ATRNL1: variants seen among roughly 807,000 people sequenced by gnomAD.
The protein encoded by ATRNL1 is attractin-like protein 1.
A neutral mutation model predicts 182.7 loss-of-function variants in ATRNL1; 95 were observed. The ratio of observed to expected loss-of-function variants is 0.52; its 90% CI spans 0.44 to 0.62. The LOEUF (loss-of-function observed/expected upper bound fraction) is 0.62. Ranked by LOEUF, ATRNL1 falls within the 20% of genes least tolerant of loss-of-function variation. ATRNL1 has a pLI of 0.00. For synonymous variants in ATRNL1, 576 were observed against 568.3 expected (o/e 1.01, Z -0.19); for missense variants, 1,471 against 1,679.5 (o/e 0.88, Z 2.17).
intron 26 of ATRNL1, among the ~76,000 whole-genome samples, chr10:115,583,606 C>T (rs1185966865): frequency 7.6e-6 from 1 of 131,744 alleles, no homozygotes; most frequent in Non-Finnish European, 1.7e-5. Flanking sequence ...ATTTTGTATC[C>T]TGAAACTTCG....
chr10:115,291,645 T>A (rs1475394756), intron 15 of ATRNL1, among the ~76,000 whole-genome samples: 1 of 152,120 alleles, frequency 6.6e-6, no homozygotes, highest in Non-Finnish European at 1.5e-5. Flanking sequence ...CTTCTATCGA[T>A]GTGATATTTG....
chr10:115,691,367 G>A (rs1455003762), intron 26 of ATRNL1, among the ~76,000 whole-genome samples: 1 of 152,044 alleles, frequency 6.6e-6, no homozygotes, highest in Non-Finnish European at 1.5e-5. Flanking sequence ...TTCCCTGATG[G>A]GTACTAAAGT....
intron 8 of ATRNL1, among the ~76,000 whole-genome samples, chr10:115,186,495 G>C (rs539457229): frequency 2.0e-5 from 3 of 152,142 alleles, no homozygotes; most frequent in Non-Finnish European, 4.4e-5. Context: ...AAGAAAAAAT[G>C]GTCCATATAT....
chr10:115,504,580 G>C (rs1850012658), intron 24 of ATRNL1, among the ~76,000 whole-genome samples: 1 of 152,014 alleles, frequency 6.6e-6, no homozygotes, highest in Non-Finnish European at 1.5e-5. Flanking sequence ...TTTTGACACT[G>C]TATAGTATTT....
At chr10:115,546,830 G>C (rs1436154519) in intron 25 of ATRNL1, among the ~76,000 whole-genome samples, 1 of 152,110 alleles carries the variant, frequency 6.6e-6, no homozygotes, top group Non-Finnish European at 1.5e-5. Flanking sequence ...TCCTGGTTGA[G>C]AAACACTGTA....
chr10:115,877,452 G>A (rs986152578), intron 28 of ATRNL1, among the ~76,000 whole-genome samples: 11 of 152,164 alleles, frequency 7.2e-5, no homozygotes, highest in African/African-American at 2.4e-4. Flanking sequence ...CCTCTCCTTA[G>A]CACTTCTCCA....
intron 25 of ATRNL1, among the ~76,000 whole-genome samples, chr10:115,532,020 T>C (rs1554988410): frequency 6.6e-6 from 1 of 150,948 alleles, no homozygotes; most frequent in African/African-American, 2.4e-5. Flanking sequence ...CATGCTGTTT[T>C]GGTTACTGTA....
intron 25 of ATRNL1, among the ~76,000 whole-genome samples, chr10:115,533,911 G>GT (rs1249940624): frequency 6.7e-6 from 1 of 149,868 alleles, no homozygotes; most frequent in Non-Finnish European, 1.5e-5. Context: ...TAGTTGAGCG[G>GT]TTTTGAGTGA....
chr10:115,109,983 A>G (rs1003062011), intron 1 of ATRNL1, among the ~76,000 whole-genome samples: 1 of 152,192 alleles, frequency 6.6e-6, no homozygotes, highest in Admixed American at 6.5e-5. Flanking sequence ...GTTAAAAAAT[A>G]ATTTCTAGGG....
intron 5 of ATRNL1, among the ~76,000 whole-genome samples, chr10:115,151,557 T>G (rs1414108567): frequency 6.6e-6 from 1 of 152,206 alleles, no homozygotes; most frequent in African/African-American, 2.4e-5. Context: ...TCGCCCACTT[T>G]TTGATGGGGT....
chr10:115,820,930 A>T (rs1950280091), intron 27 of ATRNL1, among the ~76,000 whole-genome samples: 1 of 151,974 alleles, frequency 6.6e-6, no homozygotes, highest in African/African-American at 2.4e-5. Flanking sequence ...GATCGTGGGG[A>T]TGGTTTCCTC....
chr10:115,363,782 TC>T (rs1554945023), intron 19 of ATRNL1, among the ~76,000 whole-genome samples: 1 of 149,342 alleles, frequency 6.7e-6, no homozygotes, highest in African/African-American at 2.4e-5. Context: ...GGGAATCCTT[TC>T]CCCATTGCTT....
intron 26 of ATRNL1, among the ~76,000 whole-genome samples, chr10:115,627,274 T>C (rs1555024933): frequency 6.6e-6 from 1 of 152,200 alleles, no homozygotes; most frequent in East Asian, 1.9e-4. Context: ...GTATTTCACA[T>C]AAATAGAATT....
intron 10 of ATRNL1, among the ~76,000 whole-genome samples, chr10:115,260,794 T>A (rs1412578576): frequency 6.6e-6 from 1 of 151,996 alleles, no homozygotes; most frequent in Non-Finnish European, 1.5e-5. Context: ...GATTTGAAGA[T>A]AAAGTGAAGA....
intron 9 of ATRNL1, among the ~76,000 whole-genome samples, chr10:115,218,970 C>T (rs1416519490): frequency 2.0e-5 from 3 of 152,160 alleles, no homozygotes; most frequent in African/African-American, 7.2e-5. Context: ...GGTACAGTGG[C>T]TCACGCCTGT....
At chr10:115,690,647 A>G (rs553962679) in intron 26 of ATRNL1, among the ~76,000 whole-genome samples, 1 of 152,142 alleles carries the variant, frequency 6.6e-6, no homozygotes, top group Admixed American at 6.5e-5. Context: ...GTGGACACTG[A>G]GAGATGTCAG....
At chr10:115,160,242 G>A (rs1554882967) in intron 6 of ATRNL1, 28 bp downstream of exon 6, 1 of 1,541,442 alleles carries the variant, frequency 6.5e-7, no homozygotes, top group Non-Finnish European at 8.8e-7. Context: ...GATTCTTGCT[G>A]TTTTTTAAGC....
At chr10:115,871,501 A>ATG (rs1555106139) in intron 28 of ATRNL1, among the ~76,000 whole-genome samples, 2 of 147,224 alleles carry the variant, frequency 1.4e-5, no homozygotes, top group African/African-American at 2.5e-5. Context: ...ATATATATAT[A>ATG]TATGACTTTT....
chr10:115,835,153 C>A (rs1197501853), intron 27 of ATRNL1, among the ~76,000 whole-genome samples: 1 of 152,126 alleles, frequency 6.6e-6, no homozygotes, highest in African/African-American at 2.4e-5. Context: ...ATATTGGCGT[C>A]TTCTCTGCCA....
Sources: allele counts gnomAD v4.1 joint callset (sites outside exome capture counted in the v4.1 genomes callset), GRCh38; gene constraint gnomAD v4.1.1; transcripts MANE v1.5; gene names NCBI Gene and HGNC (gene_info 2026-07-23, HGNC 2026-07-21).